CNTNAP5: variants seen among roughly 807,000 people sequenced by gnomAD.
The protein encoded by CNTNAP5 is contactin-associated protein-like 5.
A neutral mutation model predicts 150.2 loss-of-function variants in CNTNAP5; 72 were observed. That is an observed-to-expected ratio of 0.48 (90% CI 0.40 to 0.58). CNTNAP5 has a LOEUF of 0.58. Among genes scored for constraint, CNTNAP5 ranks in the 20% least tolerant of loss-of-function variants. The pLI is 0.00. For synonymous variants in CNTNAP5, 672 were observed against 619.8 expected (o/e 1.08, Z -1.25); for missense variants, 1,636 against 1,626.2 (o/e 1.01, Z -0.10).
At chr2:124,481,455 A>G (rs1693760360) in intron 7 of CNTNAP5, among the ~76,000 whole-genome samples, 1 of 152,226 alleles carries the variant, frequency 6.6e-6, no homozygotes, top group Non-Finnish European at 1.5e-5. Context: ...TGATAAAATT[A>G]TTATGTAAAG....
intron 3 of CNTNAP5, among the ~76,000 whole-genome samples, chr2:124,357,704 C>CTG (rs1488184476): frequency 7.0e-6 from 1 of 142,238 alleles, no homozygotes; most frequent in African/African-American, 2.6e-5. Flanking sequence ...GTTTTGGTTA[C>CTG]TGTAGCCTTG....
chr2:124,755,227 C>T (rs954321455), intron 14 of CNTNAP5, among the ~76,000 whole-genome samples: 6 of 152,010 alleles, frequency 3.9e-5, no homozygotes, highest in African/African-American at 1.4e-4. Context: ...ACAAAACATA[C>T]CCTGAGGTTT....
chr2:124,763,860 T>C, intron 15 of CNTNAP5, 61 bp downstream of exon 15: 1 of 1,606,848 alleles, frequency 6.2e-7, no homozygotes, highest in Non-Finnish European at 8.5e-7. Flanking sequence ...ATGTTCTTAC[T>C]CCCTTATCCC....
At chr2:124,364,999 A>C (rs927992886) in intron 3 of CNTNAP5, among the ~76,000 whole-genome samples, 2 of 152,122 alleles carry the variant, frequency 1.3e-5, no homozygotes, top group Admixed American at 6.6e-5. Context: ...TCACTAAAAA[A>C]CTATTGGCCA....
intron 19 of CNTNAP5, among the ~76,000 whole-genome samples, chr2:124,804,616 T>C (rs1272316038): frequency 6.6e-6 from 1 of 152,062 alleles, no homozygotes; most frequent in Non-Finnish European, 1.5e-5. Context: ...TCTCCTGCTC[T>C]CTCTTTGAAT....
chr2:124,686,573 C>T (rs1190906442), intron 13 of CNTNAP5, among the ~76,000 whole-genome samples: 2 of 152,090 alleles, frequency 1.3e-5, no homozygotes, highest in East Asian at 3.9e-4. Context: ...AGTCCTTTCC[C>T]ACATGACAGA....
intron 11 of CNTNAP5, among the ~76,000 whole-genome samples, chr2:124,590,366 T>C (rs985338812): frequency 1.3e-5 from 2 of 152,190 alleles, no homozygotes; most frequent in Non-Finnish European, 2.9e-5. Flanking sequence ...ACAGAACCTA[T>C]GTCTATTTTC....
In CNTNAP5 at chr2:124,803,761, G is replaced by C. The variant is rs555658902; in HGVS notation, c.3217+5441G>C. Among the ~76,000 whole-genome samples, 94 of 152,322 alleles carry C rather than the reference G, an allele frequency of 6.2e-4. 1 individual carries two copies. The highest frequency in any genetic ancestry group is 5.8e-3 in the Admixed American group (88 of 15,302). Reference sequence around the variant, plus strand: ...ACTAACTCAAGGGAGGCAAGAATAAGAAGGAAGCCAGGGAGGGAGCATTTT... The same window carrying C: ...ACTAACTCAAGGGAGGCAAGAATAACAAGGAAGCCAGGGAGGGAGCATTTT... On this transcript the variant is annotated intron_variant, in intron 19 of 23. Transcript: ENST00000682447.
intron 1 of CNTNAP5, among the ~76,000 whole-genome samples, chr2:124,035,607 T>A (rs1203414904): frequency 6.6e-6 from 1 of 152,196 alleles, no homozygotes; most frequent in Non-Finnish European, 1.5e-5. Context: ...AAATGGCCAC[T>A]GAAGCATGTA....
intron 18 of CNTNAP5, among the ~76,000 whole-genome samples, chr2:124,791,621 C>T: frequency 6.6e-6 from 1 of 151,796 alleles, no homozygotes. Context: ...GGACAGTAGA[C>T]CTCTCTGCAT....
intron 13 of CNTNAP5, among the ~76,000 whole-genome samples, chr2:124,713,375 C>T (rs1320343398): frequency 1.8e-5 from 2 of 108,166 alleles, no homozygotes; most frequent in African/African-American, 7.1e-5. Flanking sequence ...TTCTTTCTTT[C>T]TTTCTTCTCC....
chr2:124,878,027 A>C (rs898035996), intron 21 of CNTNAP5, among the ~76,000 whole-genome samples: 5 of 152,136 alleles, frequency 3.3e-5, no homozygotes, highest in African/African-American at 1.2e-4. Context: ...TCACATAACC[A>C]GTAAGTGTCT....
At chr2:124,615,557 G>A (rs933432464) in intron 12 of CNTNAP5, among the ~76,000 whole-genome samples, 7 of 152,114 alleles carry the variant, frequency 4.6e-5, no homozygotes, top group Admixed American at 2.0e-4. Flanking sequence ...CAAATCTGCA[G>A]TTACTCCCTC....
chr2:124,267,053 C>G (rs961808409), intron 3 of CNTNAP5, among the ~76,000 whole-genome samples: 1 of 151,290 alleles, frequency 6.6e-6, no homozygotes, highest in Non-Finnish European at 1.5e-5. Flanking sequence ...ATTATCTGAT[C>G]TATCTCTCCA....
At chr2:124,434,421 A>G in intron 4 of CNTNAP5, 63 bp from the exon 5 acceptor site, 2 of 1,221,044 alleles carry the variant, frequency 1.6e-6, no homozygotes, top group Non-Finnish European at 2.4e-6. Context: ...AAGATGGGAA[A>G]CAGTAACAGC....
chr2:124,569,802 A>G (rs768313222), intron 11 of CNTNAP5, among the ~76,000 whole-genome samples: 40 of 152,234 alleles, frequency 2.6e-4, no homozygotes, highest in Non-Finnish European at 4.4e-4. Flanking sequence ...GTCAATAGCC[A>G]TGTATTAATT....
intron 3 of CNTNAP5, among the ~76,000 whole-genome samples, chr2:124,334,822 T>G (rs77420532): frequency 2.0e-5 from 3 of 150,624 alleles, no homozygotes; most frequent in Non-Finnish European, 3.0e-5. Context: ...AGTTGTCTAA[T>G]TTTTTTTTTC....
intron 3 of CNTNAP5, among the ~76,000 whole-genome samples, chr2:124,247,681 G>A (rs1687064510): frequency 1.3e-5 from 2 of 151,894 alleles, no homozygotes; most frequent in African/African-American, 2.4e-5. Context: ...ATGTATTAAG[G>A]ACACAAAAAA....
intron 13 of CNTNAP5, among the ~76,000 whole-genome samples, chr2:124,743,506 A>G (rs1680541800): frequency 6.6e-6 from 1 of 152,124 alleles, no homozygotes; most frequent in African/African-American, 2.4e-5. Context: ...TTTTGCAGAC[A>G]CAGGGTCTGC....
Sources: allele counts gnomAD v4.1 joint callset (sites outside exome capture counted in the v4.1 genomes callset), GRCh38; gene constraint gnomAD v4.1.1; transcripts MANE v1.5; gene names NCBI Gene and HGNC (gene_info 2026-07-23, HGNC 2026-07-21).